FRMPD4: variants seen among roughly 807,000 people sequenced by gnomAD.
The protein encoded by FRMPD4 is FERM and PDZ domain containing 4, also known as FERM and PDZ domain-containing protein 4.
A neutral mutation model predicts 94.1 loss-of-function variants in FRMPD4; 22 were observed. That is an observed-to-expected ratio of 0.23 (90% CI 0.17 to 0.33). The LOEUF (loss-of-function observed/expected upper bound fraction) is 0.33, where lower values mean the gene tolerates loss of function less well. FRMPD4 is among the 10% of genes least tolerant of loss of function. The probability of loss-of-function intolerance (pLI) is 1.00; values close to 1 mark genes in which losing one functional copy is unlikely to be tolerated. For missense variants in FRMPD4, 1,111 were observed against 1,339.9 expected, an observed-to-expected ratio of 0.83 and a Z score of 2.67; for synonymous variants, 631 against 548.6, an observed-to-expected ratio of 1.15 and a Z score of -2.10.
chrX:12,685,691 T>C (rs1410805394), intron 6 of FRMPD4, among the ~76,000 whole-genome samples: 1 of 112,251 alleles, frequency 8.9e-6, no homozygotes, highest in Non-Finnish European at 1.9e-5. Context: ...TGAAGCTTAT[T>C]TATGCTGGTG....
chrX:12,137,481 C>G (rs2055612693), upstream of FRMPD4, among the ~76,000 whole-genome samples: 1 of 112,277 alleles, frequency 8.9e-6, no homozygotes, highest in East Asian at 2.8e-4. Flanking sequence ...GGGGTGCTCT[C>G]TGTTCTTTGC....
chrX:11,847,874 G>T lies in FRMPD4; in HGVS notation c.-160-17212G>T, dbSNP rs777651842. Among the ~76,000 whole-genome samples, 245 of 71,708 alleles carry T rather than the reference G, an allele frequency of 3.4e-3. 1 individual carries two copies. Among genetic ancestry groups the T allele is most frequent in the African/African-American group, 0.013 (228 of 17,421 alleles). 62.3% of individuals were successfully genotyped at this position (71,708 alleles called of 115,157 possible). On this transcript the variant is annotated intron_variant, in intron 1 of 18. Coordinates refer to the FRMPD4 transcript ENST00000640291. ...AGGAAGGGGAACATCACACTCTGGG[G>T]ACTGTTGTGGGGTCGGGGGAGGGGG... is the stretch of plus-strand genomic sequence containing the variant.
At chrX:12,004,284 T>C (rs973715738) in intron 3 of FRMPD4, among the ~76,000 whole-genome samples, 2 of 112,201 alleles carry the variant, frequency 1.8e-5, no homozygotes, top group Non-Finnish European at 1.9e-5. Context: ...GCCATGGAAT[T>C]CTGATTCAGC....
chrX:12,212,631 T>C (rs1053925044), intron 1 of FRMPD4, among the ~76,000 whole-genome samples: 2 of 111,902 alleles, frequency 1.8e-5, no homozygotes, highest in African/African-American at 3.2e-5. Context: ...GCCAAATCTG[T>C]ATAGCTAATC....
intron 1 of FRMPD4, among the ~76,000 whole-genome samples, chrX:12,241,917 AAGAAGG>A (rs1214572115): frequency 3.4e-4 from 34 of 99,682 alleles, no homozygotes; most frequent in East Asian, 1.6e-3. Flanking sequence ...AAATAAGAAG[AAGAAGG>A]AGAAGGAGAA....
At position 12,609,853 on chromosome X, in the gene FRMPD4, G is replaced by A; in HGVS notation, c.291G>A (p.Lys97=). 1 of 1,211,370 alleles carries A rather than the reference G, an allele frequency of 8.3e-7. No homozygotes were observed. Among genetic ancestry groups the A allele is most frequent in the East Asian group, 3.0e-5 (1 of 33,838 alleles). The change falls in exon 3 of 17, where the codon AAG becomes AAA. Residue 97 remains lysine, a synonymous_variant. Transcript: ENST00000675598. ...TTGGTTTTGTGGCAGGCAGTGAAAA[G>A]CCAGTGGTCGTTCGCTCAGTAACAC... The part of the protein sequence containing the change: ...LGFGFVAGSE[K]PVVVRSVTPG...
At chrX:12,031,335 G>T (rs757266739) in intron 3 of FRMPD4, among the ~76,000 whole-genome samples, 2 of 112,102 alleles carry the variant, frequency 1.8e-5, no homozygotes, top group East Asian at 2.8e-4. Context: ...AGAGATATTT[G>T]GCAGGTTAAA....
At position 12,614,838 on chromosome X, in the gene FRMPD4, C is replaced by A. The variant is rs2059219480; in HGVS notation, c.379C>A (p.Pro127Thr). Residue 127 changes from proline (P) to threonine (T), a missense_variant, in exon 4 of 17, where the codon CCG becomes ACG. This residue lies in a region of FRMPD4 where 140 missense variants were observed against 165.9 expected (regional missense o/e 0.84). Transcript: ENST00000675598. ...GDQIVMINDEPVSAAPRERVI... is the reference protein window; with the variant it reads ...GDQIVMINDETVSAAPRERVI... The stretch of plus-strand genomic sequence containing the variant: ...TCAGATTGTAATGATTAATGATGAA[C>A]CGGTCAGCGCTGCACCCAGAGAGCG... 8.4e-7 allele frequency: 1 copy of A among 1,188,717 alleles called. No individual in the cohort carries two copies. The highest frequency in any genetic ancestry group is 1.1e-6 in the Non-Finnish European group (1 of 875,444).
At chrX:12,641,715 G>C (rs1280419230) in intron 4 of FRMPD4, among the ~76,000 whole-genome samples, 1 of 112,309 alleles carries the variant, frequency 8.9e-6, no homozygotes, top group Non-Finnish European at 1.9e-5. Flanking sequence ...CTAGAGAAAG[G>C]ACTTGGCAGT....
intron 1 of FRMPD4, among the ~76,000 whole-genome samples, chrX:11,845,678 A>T (rs1157336357): frequency 2.7e-5 from 3 of 110,684 alleles, no homozygotes; most frequent in Non-Finnish European, 5.7e-5. Context: ...AAGCTTATCC[A>T]CAATGATCAA....
chrX:12,697,556 T>G (rs1243089641), intron 9 of FRMPD4, among the ~76,000 whole-genome samples: 2 of 112,496 alleles, frequency 1.8e-5, no homozygotes, highest in Non-Finnish European at 3.7e-5. Context: ...AACAATGTGG[T>G]TGCATTTGTC....
intron 2 of FRMPD4, among the ~76,000 whole-genome samples, chrX:12,526,024 A>G (rs2058219725): frequency 8.9e-6 from 1 of 112,887 alleles, no homozygotes; most frequent in Non-Finnish European, 1.9e-5. Context: ...CATATTCTGG[A>G]TAAAATATTT....
chrX:12,202,190 T>C (rs2056638763), intron 1 of FRMPD4, among the ~76,000 whole-genome samples: 1 of 111,610 alleles, frequency 9.0e-6, no homozygotes, highest in African/African-American at 3.3e-5. Context: ...CACGGACTAT[T>C]TTGGATAATC....
At chrX:12,389,479 A>G (rs1406410183) in intron 1 of FRMPD4, among the ~76,000 whole-genome samples, 12 of 110,106 alleles carry the variant, frequency 1.1e-4, no homozygotes, top group Admixed American at 9.7e-4. Flanking sequence ...ATCTCAAAAA[A>G]AAAAACAAAA....
At chrX:11,838,954 G>C (rs2053517329) in intron 1 of FRMPD4, among the ~76,000 whole-genome samples, 1 of 111,603 alleles carries the variant, frequency 9.0e-6, no homozygotes, top group Non-Finnish European at 1.9e-5. Context: ...TCATATACAA[G>C]TGTTTATGTG....
intron 1 of FRMPD4, among the ~76,000 whole-genome samples, chrX:12,367,861 C>G (rs1244646555): frequency 1.8e-5 from 2 of 111,768 alleles, no homozygotes; most frequent in Non-Finnish European, 3.8e-5. Context: ...GTACTTTCAT[C>G]TTCATGTAAA....
intron 1 of FRMPD4, among the ~76,000 whole-genome samples, chrX:12,362,759 T>G (rs1315609401): frequency 5.4e-5 from 6 of 111,977 alleles, no homozygotes; most frequent in Non-Finnish European, 1.1e-4. Flanking sequence ...TTTCTAGTTC[T>G]CGATCCTTGA....
chrX:12,418,014 AAAC>A (rs1359256951), intron 1 of FRMPD4, among the ~76,000 whole-genome samples: 6 of 107,047 alleles, frequency 5.6e-5, no homozygotes, highest in Non-Finnish European at 7.7e-5. Context: ...AAAAAAAAAC[AAAC>A]AACAACAACA....
At position 12,032,713 on chromosome X, in the gene FRMPD4, G is replaced by T. The variant is rs190651355; in HGVS notation, c.95+154695G>T. ...CACCTTCTGGCATAAGCAAAACGAT[G>T]ATGGAAGTTGCTGGTAAATTTATGA... On this transcript the variant is annotated intron_variant, in intron 3 of 18. Coordinates refer to the FRMPD4 transcript ENST00000640291. 2.7e-5 allele frequency among the ~76,000 whole-genome samples: 3 copies of T among 112,281 alleles called. No individual in the cohort carries two copies. In the Admixed American group the frequency reaches 2.8e-4, roughly 11 times the overall value.
Sources: allele counts gnomAD v4.1 joint callset (sites outside exome capture counted in the v4.1 genomes callset), GRCh38; gene constraint gnomAD v4.1.1; regional missense constraint gnomAD v4.1.1; transcripts MANE v1.5; gene names NCBI Gene and HGNC (gene_info 2026-07-23, HGNC 2026-07-21).